TCF7L1: variants seen among roughly 807,000 people sequenced by gnomAD.
TCF7L1 encodes transcription factor 7-like 1.
A neutral mutation model predicts 63.7 loss-of-function variants in TCF7L1; 18 were observed. That is an observed-to-expected ratio of 0.28 (90% CI 0.20 to 0.42). The LOEUF (loss-of-function observed/expected upper bound fraction) is 0.42, where lower values mean the gene tolerates loss of function less well. Among genes scored for constraint, TCF7L1 ranks in the 10% least tolerant of loss-of-function variants. The probability of loss-of-function intolerance (pLI) is 1.00; values close to 1 mark genes in which losing one functional copy is unlikely to be tolerated. For missense variants in TCF7L1, 654 were observed against 779.3 expected, an observed-to-expected ratio of 0.84 and a Z score of 1.91; for synonymous variants, 355 against 340.9, an observed-to-expected ratio of 1.04 and a Z score of -0.46.
intron 3 of TCF7L1, among the ~76,000 whole-genome samples, chr2:85,214,445 G>A (rs1190309820): frequency 6.6e-6 from 1 of 152,186 alleles, no homozygotes; most frequent in Non-Finnish European, 1.5e-5. Flanking sequence ...TTCGTTGTTG[G>A]TAGTTTTGAA....
At chr2:85,164,686 G>C (rs184821347) in intron 3 of TCF7L1, among the ~76,000 whole-genome samples, 1 of 152,296 alleles carries the variant, frequency 6.6e-6, no homozygotes, top group African/African-American at 2.4e-5. Flanking sequence ...CTTCAATTAT[G>C]AATGTAGACT....
At chr2:85,141,528 G>A (rs920094190) in intron 3 of TCF7L1, among the ~76,000 whole-genome samples, 5 of 152,144 alleles carry the variant, frequency 3.3e-5, no homozygotes, top group African/African-American at 1.2e-4. Context: ...GTACCACCAC[G>A]GGGAACCTCA....
At chr2:85,222,311 G>C (rs139457809) in intron 3 of TCF7L1, among the ~76,000 whole-genome samples, 267 of 149,860 alleles carry the variant, frequency 1.8e-3, no homozygotes, top group African/African-American at 6.1e-3. Flanking sequence ...TTGCACTCCA[G>C]CCTGGGCAGC....
intron 3 of TCF7L1, among the ~76,000 whole-genome samples, chr2:85,230,357 G>A (rs1199531052): frequency 6.6e-6 from 1 of 152,162 alleles, no homozygotes; most frequent in Non-Finnish European, 1.5e-5. Context: ...TTTTGAGACA[G>A]AGTTTCACTC....
intron 3 of TCF7L1, among the ~76,000 whole-genome samples, chr2:85,215,125 A>G (rs573563658): frequency 7.9e-4 from 121 of 152,316 alleles, no homozygotes; most frequent in Non-Finnish European, 1.4e-3. Context: ...GGTCAAGCAG[A>G]TCCAGCTTTG....
At chr2:85,179,407 C>T (rs1234284762) in intron 3 of TCF7L1, among the ~76,000 whole-genome samples, 2 of 152,174 alleles carry the variant, frequency 1.3e-5, no homozygotes, top group African/African-American at 4.8e-5. Context: ...GGGTGGGGCC[C>T]TGAGAATTTG....
At chr2:85,305,427 C>T in intron 8 of TCF7L1, 24 bp downstream of exon 8, 1 of 1,591,214 alleles carries the variant, frequency 6.3e-7, no homozygotes, top group East Asian at 2.2e-5. Flanking sequence ...AGCCTGGATT[C>T]AGGTGGGAGG....
Position 85,246,213 on chromosome 2 carries a change from A to G in TCF7L1, c.442-37282A>G, listed in dbSNP as rs896892756. On this transcript the variant is annotated intron_variant, in intron 3 of 11. Coordinates refer to ENST00000282111, the MANE Select transcript of TCF7L1 (RefSeq NM_031283.3). ...CAGTTGGGTGTAGTTTCCACTTGCA[A>G]TTACTCATAAGCTTCACAGGCTTAG... Among the ~76,000 whole-genome samples, 5 of 152,250 alleles carry G rather than the reference A, an allele frequency of 3.3e-5. No homozygotes were observed. In the East Asian group the frequency reaches 5.8e-4, roughly 18 times the overall value.
chr2:85,304,465 G>C (rs1231322137), intron 7 of TCF7L1, 127 bp downstream of exon 7: 8 of 909,356 alleles, frequency 8.8e-6, no homozygotes, highest in Non-Finnish European at 1.3e-5. Context: ...ACCTCTCTTT[G>C]ATCAAGCATC....
intron 3 of TCF7L1, among the ~76,000 whole-genome samples, chr2:85,225,533 G>T (rs1679937027): frequency 6.6e-6 from 1 of 152,156 alleles, no homozygotes; most frequent in Non-Finnish European, 1.5e-5. Context: ...TATTCTCTTT[G>T]TAGTAATTGT....
chr2:85,239,103 C>T (rs1680264402), intron 3 of TCF7L1, among the ~76,000 whole-genome samples: 1 of 151,982 alleles, frequency 6.6e-6, no homozygotes, highest in African/African-American at 2.4e-5. Flanking sequence ...TAACGTAATT[C>T]CTTAACTGTG....
intron 4 of TCF7L1, among the ~76,000 whole-genome samples, chr2:85,287,511 T>C (rs1460768778): frequency 6.6e-6 from 1 of 152,178 alleles, no homozygotes; most frequent in Non-Finnish European, 1.5e-5. Context: ...TAACTCAGCA[T>C]TGTGGTGGAG....
chr2:85,198,030 C>A (rs932084765), intron 3 of TCF7L1, among the ~76,000 whole-genome samples: 1 of 152,184 alleles, frequency 6.6e-6, no homozygotes, highest in Non-Finnish European at 1.5e-5. Flanking sequence ...TCAGGACTCA[C>A]GTTCAGTGCA....
intron 4 of TCF7L1, among the ~76,000 whole-genome samples, chr2:85,300,056 TA>T (rs1316867306): frequency 7.9e-5 from 12 of 152,204 alleles, no homozygotes; most frequent in Admixed American, 4.6e-4. Flanking sequence ...ATTCATAGTA[TA>T]TTTTTTTAAG....
At chr2:85,149,121 G>A (rs1677946635) in intron 3 of TCF7L1, among the ~76,000 whole-genome samples, 1 of 152,098 alleles carries the variant, frequency 6.6e-6, no homozygotes, top group South Asian at 2.1e-4. Context: ...GGAGTCAGGG[G>A]AGAGGCCAGA....
chr2:85,293,180 T>A (rs1458922217), intron 4 of TCF7L1, among the ~76,000 whole-genome samples: 1 of 152,186 alleles, frequency 6.6e-6, no homozygotes, highest in Non-Finnish European at 1.5e-5. Flanking sequence ...GGTGATATGG[T>A]GTGGATCTGT....
intron 3 of TCF7L1, among the ~76,000 whole-genome samples, chr2:85,208,641 T>G (rs988484593): frequency 6.6e-6 from 1 of 152,160 alleles, no homozygotes; most frequent in Non-Finnish European, 1.5e-5. Flanking sequence ...AGTTTTAGTT[T>G]TTGCCACACA....
intron 3 of TCF7L1, among the ~76,000 whole-genome samples, chr2:85,168,472 G>T (rs1484928103): frequency 6.6e-6 from 1 of 152,196 alleles, no homozygotes; most frequent in East Asian, 1.9e-4. Flanking sequence ...CTGTCCCTGA[G>T]GGGGACACCT....
chr2:85,190,520 A>G (rs968149810), intron 3 of TCF7L1, among the ~76,000 whole-genome samples: 1 of 152,072 alleles, frequency 6.6e-6, no homozygotes, highest in Non-Finnish European at 1.5e-5. Context: ...AGATGGGAGA[A>G]TGGACTTCAT....
Sources: allele counts gnomAD v4.1 joint callset (sites outside exome capture counted in the v4.1 genomes callset), GRCh38; gene constraint gnomAD v4.1.1; transcripts MANE v1.5; gene names NCBI Gene and HGNC (gene_info 2026-07-23, HGNC 2026-07-21).